Variants in CFAP92 observed in about 807,000 individuals in gnomAD.
CFAP92 encodes the protein cilia and flagella associated protein 92 (putative).
In CFAP92, 86 loss-of-function variants were observed where a neutral mutation model predicts 106.3. The ratio of observed to expected loss-of-function variants is 0.81; its 90% CI spans 0.68 to 0.97. CFAP92 has a LOEUF of 0.97. Ranked by LOEUF, CFAP92 falls within the 50% of genes least tolerant of loss-of-function variation. The pLI, the probability that CFAP92 is intolerant of heterozygous loss-of-function variation, is 0.00. For missense variants in CFAP92, 1,204 were observed against 1,283.8 expected, an observed-to-expected ratio of 0.94 and a Z score of 0.95; for synonymous variants, 477 against 506.4, an observed-to-expected ratio of 0.94 and a Z score of 0.78.
chr3:129,004,076 A>G (rs1944945132), upstream of CFAP92: 2 of 1,497,536 alleles, frequency 1.3e-6, no homozygotes, highest in Non-Finnish European at 1.8e-6. Context: ...GCAACGCTAC[A>G]GGTGAGCGGG....
chr3:129,004,337 CCCAT>C (rs1009834895), upstream of CFAP92, among the ~76,000 whole-genome samples: 10 of 149,214 alleles, frequency 6.7e-5, no homozygotes, highest in African/African-American at 2.0e-4. Context: ...CACACACCCA[CCCAT>C]CCATCCATCC....
intron 1 of CFAP92, among the ~76,000 whole-genome samples, chr3:129,000,417 C>T (rs1559949259): frequency 6.6e-6 from 1 of 152,228 alleles, no homozygotes; most frequent in Non-Finnish European, 1.5e-5. Context: ...GCTTTTCAAA[C>T]GGCAAGATTT....
chr3:128,932,474 T>C (rs1404056287), intron 12 of CFAP92, among the ~76,000 whole-genome samples: 1 of 152,174 alleles, frequency 6.6e-6, no homozygotes, highest in African/African-American at 2.4e-5. Context: ...CCTTCTCACC[T>C]TTCAGGAAGG....
In CFAP92 at chr3:128,957,426, C is replaced by T. The variant is rs561280456; in HGVS notation, c.1353+8085G>A. On this transcript the variant is annotated intron_variant, in intron 9 of 15. Coordinates refer to ENST00000645291, the MANE Select transcript of CFAP92 (RefSeq NM_001394090.1). ...GTAAAATATTGATACCAAGAGATTG[C>T]GAAAAGTTATGTTATGCGTTAAATA... 4.5e-4 allele frequency among the ~76,000 whole-genome samples: 68 copies of T among 152,020 alleles called. No homozygotes were observed. In the South Asian group the frequency reaches 7.3e-3, roughly 16 times the overall value.
At chr3:129,019,314 G>A in the CFAP92 span, among the ~76,000 whole-genome samples, 1 of 152,214 alleles carries the variant, frequency 6.6e-6, no homozygotes, top group South Asian at 2.1e-4. Context: ...TGAAGACAGG[G>A]ACCCAGCTTT....
At chr3:129,014,259 G>A in the CFAP92 span, among the ~76,000 whole-genome samples, 1 of 152,224 alleles carries the variant, frequency 6.6e-6, no homozygotes, top group African/African-American at 2.4e-5. The surrounding 1 kb of genome is among the most constrained non-coding windows in gnomAD (Gnocchi z 4.3). Flanking sequence ...GTAACTAAGC[G>A]GGTGGACGAG....
chr3:128,994,222 G>T, upstream of CFAP92: 3 of 846,350 alleles, frequency 3.5e-6, no homozygotes, highest in Non-Finnish European at 4.3e-6. Flanking sequence ...CGCGCAGTTT[G>T]TCAAATGGCT....
chr3:128,978,356 G>A (rs1943297155), intron 4 of CFAP92, 171 bp from the exon 5 acceptor site: 7 of 618,146 alleles, frequency 1.1e-5, no homozygotes, highest in Non-Finnish European at 1.9e-5. Flanking sequence ...TATAAATTAT[G>A]TTTATATCAT....
intron 10 of CFAP92, among the ~76,000 whole-genome samples, chr3:128,943,291 T>C (rs969470691): frequency 5.3e-5 from 8 of 152,164 alleles, no homozygotes; most frequent in Non-Finnish European, 1.0e-4. Flanking sequence ...ATAAACACTA[T>C]CTAGTTCTAG....
intron 12 of CFAP92, among the ~76,000 whole-genome samples, chr3:128,929,855 A>G (rs981178822): frequency 1.3e-5 from 2 of 152,232 alleles, no homozygotes; most frequent in African/African-American, 4.8e-5. Flanking sequence ...TGATGGTGTT[A>G]TAACTATAAA....
At chr3:129,025,981 C>G in the CFAP92 span, among the ~76,000 whole-genome samples, 1 of 152,338 alleles carries the variant, frequency 6.6e-6, no homozygotes, top group South Asian at 2.1e-4. Context: ...TGGAGCCTCC[C>G]GCCTGAGTGC....
chr3:128,970,626 G>C (rs1418642970), intron 8 of CFAP92: 1 of 152,182 alleles, frequency 6.6e-6, no homozygotes, highest in Non-Finnish European at 1.5e-5. Context: ...ATAATATTTA[G>C]TTATGATTTA....
intron 6 of CFAP92, 84 bp downstream of exon 6, chr3:128,976,895 A>T: frequency 9.3e-7 from 1 of 1,069,776 alleles, no homozygotes; most frequent in African/African-American, 1.6e-5. Context: ...AACTGGATTT[A>T]CTAAAAAACC....
Position 128,915,368 on chromosome 3 carries a change from C to G in CFAP92, c.3112G>C (p.Glu1038Gln). The change falls in exon 14 of 16, where the codon GAG (glutamate) becomes CAG (glutamine). Residue 1038 changes from glutamate to glutamine, a missense_variant. Glu to Gln is a conservative substitution (Grantham distance 29, BLOSUM62 2). Coordinates refer to ENST00000645291, the MANE Select transcript of CFAP92 (RefSeq NM_001394090.1). Reference protein sequence around the residue: ...FQDLKLPPIKELNEEWKENSL... With the variant: ...FQDLKLPPIKQLNEEWKENSL... Reference sequence around the variant, plus strand: ...TCTTCCCTGTGGACCTCATTCAGCTCTTTGATGGGTGGCAGCTTGAGATCC... The same window carrying G: ...TCTTCCCTGTGGACCTCATTCAGCTGTTTGATGGGTGGCAGCTTGAGATCC... 6.5e-7 allele frequency: 1 copy of G among 1,536,132 alleles called. No individual in the cohort carries two copies. Among genetic ancestry groups the G allele is most frequent in the South Asian group, 1.2e-5 (1 of 84,050 alleles).
chr3:129,020,925 C>T, the CFAP92 span, among the ~76,000 whole-genome samples: 7 of 152,182 alleles, frequency 4.6e-5, no homozygotes, highest in Non-Finnish European at 4.4e-5. Context: ...GTGGGCACCT[C>T]GTAGTCCCAG....
At chr3:128,978,642 A>G (rs893139257) in intron 4 of CFAP92, among the ~76,000 whole-genome samples, 3 of 152,226 alleles carry the variant, frequency 2.0e-5, no homozygotes, top group African/African-American at 7.2e-5. Flanking sequence ...GCCCTCAGAA[A>G]TAATACCACA....
At chr3:129,014,387 G>T in the CFAP92 span, among the ~76,000 whole-genome samples, 13 of 152,176 alleles carry the variant, frequency 8.5e-5, no homozygotes, top group African/African-American at 3.1e-4. The surrounding 1 kb of genome is among the most constrained non-coding windows in gnomAD (Gnocchi z 4.3). Context: ...GTGCGGTGTC[G>T]CAGCGTTGGC....
chr3:128,979,257 C>T (rs1304828073), intron 4 of CFAP92, among the ~76,000 whole-genome samples: 5 of 152,184 alleles, frequency 3.3e-5, no homozygotes, highest in African/African-American at 1.2e-4. Flanking sequence ...TACCATCTCA[C>T]ACCAGTTAGA....
chr3:128,993,892 C>T, intron 1 of CFAP92, 88 bp downstream of exon 1: 1 of 924,244 alleles, frequency 1.1e-6, no homozygotes, highest in Non-Finnish European at 1.3e-6. Context: ...AGAGGGAACA[C>T]GCATCGAGGC....
Sources: allele counts gnomAD v4.1 joint callset (sites outside exome capture counted in the v4.1 genomes callset), GRCh38; gene constraint gnomAD v4.1.1; non-coding constraint Gnocchi (gnomAD v3.1); transcripts MANE v1.5; gene names NCBI Gene and HGNC (gene_info 2026-07-23, HGNC 2026-07-21).